Variants in SPMIP7 observed in about 807,000 individuals in gnomAD.
SPMIP7 encodes the protein sperm microtubule inner protein 7, also known as protein SPMIP7.
chr7:50,133,107 T>C, the SPMIP7 span, among the ~76,000 whole-genome samples: 1 of 152,104 alleles, frequency 6.6e-6, no homozygotes, highest in Non-Finnish European at 1.5e-5. Flanking sequence ...GAATATAGTC[T>C]TTAGAATGAG....
chr7:50,133,999 G>A, the SPMIP7 span: 1 of 957,108 alleles, frequency 1.0e-6, no homozygotes, highest in Non-Finnish European at 1.5e-6. Flanking sequence ...CCAAGGGGCA[G>A]GGATCCTCAG....
chr7:50,107,386 G>GAAAA, the SPMIP7 span, among the ~76,000 whole-genome samples: 1 of 47,350 alleles, frequency 2.1e-5, no homozygotes, highest in African/African-American at 8.5e-5. Context: ...AAAAAAAAAA[G>GAAAA]AAAAGAAAAG....
At chr7:50,096,310 G>A in the SPMIP7 span, 1 of 1,551,972 alleles carries the variant, frequency 6.4e-7, no homozygotes, top group Non-Finnish European at 8.7e-7. Context: ...CTTCAGTTTT[G>A]CCAGACTATC....
chr7:50,139,844 A>T, the SPMIP7 span, among the ~76,000 whole-genome samples: 1 of 152,236 alleles, frequency 6.6e-6, no homozygotes, highest in Admixed American at 6.5e-5. Flanking sequence ...ATACAATGGA[A>T]TACTACTCAG....
the SPMIP7 span, among the ~76,000 whole-genome samples, chr7:50,138,962 T>C: frequency 2.6e-5 from 4 of 152,164 alleles, no homozygotes; most frequent in Non-Finnish European, 4.4e-5. Flanking sequence ...TTATTTAAAG[T>C]ATGGTTTTGC....
the SPMIP7 span, among the ~76,000 whole-genome samples, chr7:50,129,258 T>C: frequency 6.6e-6 from 1 of 151,914 alleles, no homozygotes. Flanking sequence ...TAAAATATCA[T>C]TGAAAATTGA....
At chr7:50,139,691 C>T in the SPMIP7 span, among the ~76,000 whole-genome samples, 1 of 152,152 alleles carries the variant, frequency 6.6e-6, no homozygotes, top group Non-Finnish European at 1.5e-5. Flanking sequence ...TGGAAGCCTC[C>T]TGTACGTAAA....
At chr7:50,105,545 A>G in the SPMIP7 span, among the ~76,000 whole-genome samples, 1 of 152,182 alleles carries the variant, frequency 6.6e-6, no homozygotes, top group Non-Finnish European at 1.5e-5. Context: ...CCTCTCACAT[A>G]TTAACAGCTG....
At chr7:50,131,970 A>G in the SPMIP7 span, among the ~76,000 whole-genome samples, 1 of 152,332 alleles carries the variant, frequency 6.6e-6, no homozygotes. Flanking sequence ...CACTTCAGAC[A>G]GGCTTCACAT....
the SPMIP7 span, among the ~76,000 whole-genome samples, chr7:50,133,875 T>C: frequency 6.6e-6 from 1 of 152,220 alleles, no homozygotes; most frequent in South Asian, 2.1e-4. Context: ...GGACCTTTAC[T>C]ACATGTGCCA....
chr7:50,132,742 T>A, the SPMIP7 span, among the ~76,000 whole-genome samples: 1 of 152,180 alleles, frequency 6.6e-6, no homozygotes, highest in Admixed American at 6.6e-5. Flanking sequence ...ATAAGTAAGT[T>A]CTAAATGTAT....
chr7:50,151,476 G>A, the SPMIP7 span: 1 of 1,551,234 alleles, frequency 6.4e-7, no homozygotes, highest in Non-Finnish European at 8.7e-7. Flanking sequence ...GGATATACCG[G>A]CAAGGTTCAT....
At chr7:50,158,863 C>T in the SPMIP7 span, among the ~76,000 whole-genome samples, 95 of 152,258 alleles carry the variant, frequency 6.2e-4, 1 homozygote, top group East Asian at 5.0e-3. Context: ...TAATTCTCTG[C>T]GCAGCACAGA....
At chr7:50,109,362 A>T in the SPMIP7 span, among the ~76,000 whole-genome samples, 2 of 12,624 alleles carry the variant, frequency 1.6e-4, no homozygotes, top group African/African-American at 2.3e-4. Context: ...AACACAGTTT[A>T]ATTTATTTAT....
chr7:50,158,967 T>C, the SPMIP7 span: 1 of 1,431,058 alleles, frequency 7.0e-7, no homozygotes, highest in Non-Finnish European at 9.5e-7. Context: ...CACAGGGGTA[T>C]CATTAGTTGG....
chr7:50,112,084 A>C, the SPMIP7 span, among the ~76,000 whole-genome samples: 1 of 152,168 alleles, frequency 6.6e-6, no homozygotes, highest in African/African-American at 2.4e-5. Context: ...ACAAAAAATA[A>C]TACAAAATTA....
At chr7:50,139,925 C>A in the SPMIP7 span, among the ~76,000 whole-genome samples, 1 of 152,120 alleles carries the variant, frequency 6.6e-6, no homozygotes, top group African/African-American at 2.4e-5. Flanking sequence ...AGCAGCCAGA[C>A]CCAAAAATTT....
chr7:50,102,787 A>T, the SPMIP7 span, among the ~76,000 whole-genome samples: 2 of 152,012 alleles, frequency 1.3e-5, no homozygotes, highest in African/African-American at 4.8e-5. Context: ...TTGTTAACTA[A>T]TAAAAATGTT....
At chr7:50,156,954 C>T in the SPMIP7 span, among the ~76,000 whole-genome samples, 3 of 152,132 alleles carry the variant, frequency 2.0e-5, no homozygotes, top group African/African-American at 7.2e-5. Flanking sequence ...TCCTTCCTGC[C>T]CACTCTCTCC....
Sources: gnomAD v4.1 joint callset for allele counts (sites outside exome capture counted in the v4.1 genomes callset) on GRCh38, gnomAD v4.1.1 for gene constraint, MANE v1.5 for transcripts, NCBI Gene and HGNC (gene_info 2026-07-23, HGNC 2026-07-21) for gene names.